TRAPPC9: variants seen among roughly 807,000 people sequenced by gnomAD.
TRAPPC9 encodes the protein trafficking protein particle complex subunit 9.
TRAPPC9 carries 83 observed loss-of-function variants against 124.0 expected under a neutral mutation model. The ratio of observed to expected loss-of-function variants is 0.67; its 90% CI spans 0.56 to 0.80. The LOEUF (loss-of-function observed/expected upper bound fraction) is 0.80, where lower values mean the gene tolerates loss of function less well. TRAPPC9 is among the 30% of genes least tolerant of loss of function. The probability of loss-of-function intolerance (pLI) is 0.00; values close to 1 mark genes in which losing one functional copy is unlikely to be tolerated. For missense variants in TRAPPC9, 1,302 were observed against 1,508.3 expected (o/e 0.86, Z 2.27); for synonymous variants, 638 against 617.5 (o/e 1.03, Z -0.49).
At chr8:140,278,751 C>T (rs901965263) in intron 14 of TRAPPC9, among the ~76,000 whole-genome samples, 2 of 152,240 alleles carry the variant, frequency 1.3e-5, no homozygotes, top group Admixed American at 6.5e-5. Context: ...GCACCACTCC[C>T]GCCAGGCTCC....
intron 17 of TRAPPC9, among the ~76,000 whole-genome samples, chr8:140,175,429 T>C (rs769713847): frequency 2.0e-5 from 3 of 151,922 alleles, no homozygotes; most frequent in Non-Finnish European, 4.4e-5. Flanking sequence ...GCACCTGAGA[T>C]GCGGGCCAGG....
At chr8:140,370,457 T>G (rs1235601450) in intron 8 of TRAPPC9, among the ~76,000 whole-genome samples, 1 of 152,178 alleles carries the variant, frequency 6.6e-6, no homozygotes, top group Non-Finnish European at 1.5e-5. Flanking sequence ...ATGTTTTTTC[T>G]CCTTCTAATC....
intron 9 of TRAPPC9, among the ~76,000 whole-genome samples, chr8:140,313,826 C>A (rs984164535): frequency 1.3e-5 from 2 of 152,104 alleles, no homozygotes; most frequent in South Asian, 2.1e-4. Context: ...GTGTGGTGCT[C>A]CTGCTAGGGA....
At chr8:140,158,193 C>T (rs1406293197) in intron 17 of TRAPPC9, among the ~76,000 whole-genome samples, 1 of 152,214 alleles carries the variant, frequency 6.6e-6, no homozygotes, top group Non-Finnish European at 1.5e-5. Flanking sequence ...TCAAATATAA[C>T]CACATCCCAA....
At chr8:139,780,799 C>T (rs376820838) in intron 21 of TRAPPC9, among the ~76,000 whole-genome samples, 34 of 150,808 alleles carry the variant, frequency 2.3e-4, no homozygotes, top group East Asian at 1.9e-3. Context: ...CCAAAATATA[C>T]GAAGAACTCC....
chr8:139,972,599 C>T (rs941952898), intron 19 of TRAPPC9, among the ~76,000 whole-genome samples: 1 of 152,176 alleles, frequency 6.6e-6, no homozygotes, highest in African/African-American at 2.4e-5. Context: ...ACAACTCACA[C>T]AAGACACGAC....
At chr8:139,917,162 A>ATTT (rs1832191450) in intron 19 of TRAPPC9, among the ~76,000 whole-genome samples, 1 of 70,928 alleles carries the variant, frequency 1.4e-5, no homozygotes, top group Non-Finnish European at 2.7e-5. Flanking sequence ...CTTCATTATT[A>ATTT]TTTTCTTTTT....
chr8:140,216,092 A>G lies in TRAPPC9; in HGVS notation c.2556+5367T>C, dbSNP rs941231123. On this transcript the variant is annotated intron_variant, in intron 17 of 22. Coordinates refer to ENST00000438773, the MANE Select transcript of TRAPPC9 (RefSeq NM_001160372.4). The surrounding 1 kb of genome is among the most constrained non-coding windows in gnomAD (Gnocchi z 4.1). Reference sequence around the variant, plus strand: ...AAGAAGGTGTCACAGTGTAACTGACAGAGACCAAAGTGGGTAACTTGGAGA... The same window carrying G: ...AAGAAGGTGTCACAGTGTAACTGACGGAGACCAAAGTGGGTAACTTGGAGA... 2 of 152,260 alleles carry G rather than the reference A, an allele frequency of 1.3e-5. No individual in the cohort carries two copies. The highest frequency in any genetic ancestry group is 4.8e-5 in the African/African-American group (2 of 41,472). The allele number at this position is 152,260 out of a possible 1,614,324, so 9.4% of individuals were successfully genotyped here.
intron 18 of TRAPPC9, among the ~76,000 whole-genome samples, chr8:140,018,325 T>TTTTTTCTTTTTTTTTTTTTTTTTTTC (rs1408228114): frequency 1.6e-5 from 1 of 64,436 alleles, no homozygotes; most frequent in African/African-American, 4.2e-5. Flanking sequence ...ACGTAAGTGA[T>TTTTTTCTTTTTTTTTTTTTTTTTTTC]TTTTTTTTTT....
At chr8:139,902,749 C>T (rs1339156786) in intron 20 of TRAPPC9, among the ~76,000 whole-genome samples, 13 of 152,224 alleles carry the variant, frequency 8.5e-5, no homozygotes, top group Admixed American at 5.9e-4. Flanking sequence ...TTTGAGAGGC[C>T]GAAGGGTGGG....
At chr8:140,143,798 G>A (rs1587800281) in intron 17 of TRAPPC9, among the ~76,000 whole-genome samples, 1 of 152,128 alleles carries the variant, frequency 6.6e-6, no homozygotes, top group African/African-American at 2.4e-5. Flanking sequence ...TTCTTCCACT[G>A]ATTTATAATG....
intron 21 of TRAPPC9, among the ~76,000 whole-genome samples, chr8:139,796,248 A>C (rs530107055): frequency 1.8e-4 from 27 of 152,260 alleles, no homozygotes; most frequent in Non-Finnish European, 3.4e-4. Context: ...TATTCATATA[A>C]CTCAGTCCAT....
At chr8:140,248,296 C>A (rs1295763583) in intron 16 of TRAPPC9, among the ~76,000 whole-genome samples, 5 of 152,236 alleles carry the variant, frequency 3.3e-5, no homozygotes, top group Non-Finnish European at 7.3e-5. Context: ...CTGTTCCCAG[C>A]AGCTTCTCCA....
intron 16 of TRAPPC9, chr8:140,238,500 A>C: frequency 6.6e-6 from 1 of 152,268 alleles, no homozygotes; most frequent in Non-Finnish European, 1.5e-5. Flanking sequence ...CTGTGAAATT[A>C]CTGCCTATGA....
chr8:140,431,529 TC>T (rs2070647086), intron 4 of TRAPPC9, among the ~76,000 whole-genome samples: 1 of 152,212 alleles, frequency 6.6e-6, no homozygotes, highest in Middle Eastern at 3.2e-3. Flanking sequence ...AAAACATTTT[TC>T]CTATTTCAAT....
intron 19 of TRAPPC9, among the ~76,000 whole-genome samples, chr8:139,920,404 G>T (rs570794305): frequency 6.6e-6 from 1 of 152,326 alleles, no homozygotes; most frequent in East Asian, 1.9e-4. Context: ...TTCATTTAAA[G>T]TCTGAAAGAC....
At chr8:139,899,973 T>C (rs1830918305) in intron 20 of TRAPPC9, among the ~76,000 whole-genome samples, 1 of 152,132 alleles carries the variant, frequency 6.6e-6, no homozygotes, top group Non-Finnish European at 1.5e-5. Flanking sequence ...GTTCTAGATG[T>C]ACAAGGCCAG....
At chr8:140,011,403 T>G (rs1839110337) in intron 18 of TRAPPC9, among the ~76,000 whole-genome samples, 1 of 151,636 alleles carries the variant, frequency 6.6e-6, no homozygotes. Context: ...AATTAAAAAT[T>G]TGGAAAAATT....
At chr8:139,982,162 G>T (rs1836947351) in intron 19 of TRAPPC9, among the ~76,000 whole-genome samples, 1 of 152,074 alleles carries the variant, frequency 6.6e-6, no homozygotes, top group South Asian at 2.1e-4. Context: ...TGCCAACACT[G>T]TATTTTCCTA....
Sources: allele counts gnomAD v4.1 joint callset (sites outside exome capture counted in the v4.1 genomes callset), GRCh38; gene constraint gnomAD v4.1.1; non-coding constraint Gnocchi (gnomAD v3.1); transcripts MANE v1.5; gene names NCBI Gene and HGNC (gene_info 2026-07-23, HGNC 2026-07-21).